Variants in SIL1 observed in about 807,000 individuals in gnomAD.
SIL1 encodes the protein nucleotide exchange factor SIL1.
In SIL1, 40 loss-of-function variants were observed where a neutral mutation model predicts 49.1. The ratio of observed to expected loss-of-function variants is 0.81; its 90% confidence interval spans 0.63 to 1.06. SIL1 has a LOEUF of 1.06. Ranked by LOEUF, SIL1 falls within the 50% of genes least tolerant of loss-of-function variation. The pLI, the probability that SIL1 is intolerant of heterozygous loss-of-function variation, is 0.00. For synonymous variants in SIL1, 253 were observed against 250.8 expected, an observed-to-expected ratio of 1.01 and a Z score of -0.08; for missense variants, 500 against 572.6, an observed-to-expected ratio of 0.87 and a Z score of 1.29.
intron 1 of SIL1, chr5:139,131,604 CCT>C (rs906188382): frequency 1.3e-5 from 2 of 152,232 alleles, no homozygotes; most frequent in African/African-American, 4.8e-5. Context: ...CAGCTCCCCC[CCT>C]CTTTTTTTGC....
chr5:139,047,062 G>A (rs1287664193), intron 4 of SIL1, among the ~76,000 whole-genome samples: 2 of 152,188 alleles, frequency 1.3e-5, no homozygotes, highest in African/African-American at 4.8e-5. Context: ...GGAAGTAAAT[G>A]GCCCTGTCCT....
intron 3 of SIL1, among the ~76,000 whole-genome samples, chr5:139,075,892 C>G (rs1769938273): frequency 6.6e-6 from 1 of 152,162 alleles, no homozygotes; most frequent in Non-Finnish European, 1.5e-5. Flanking sequence ...GTTCCATTTT[C>G]CCAGGAAAGA....
chr5:139,112,335 C>A (rs1770871487), intron 3 of SIL1, among the ~76,000 whole-genome samples: 1 of 151,966 alleles, frequency 6.6e-6, no homozygotes, highest in African/African-American at 2.4e-5. Context: ...GCCCCTCTGC[C>A]CGGCTGCCCA....
chr5:139,197,376 A>AC (rs1752297867), intron 1 of SIL1, among the ~76,000 whole-genome samples: 3 of 151,858 alleles, frequency 2.0e-5, no homozygotes, highest in Admixed American at 1.3e-4. Flanking sequence ...GGTTAACTTA[A>AC]CCCCCGCCCC....
chr5:139,126,204 T>G (rs1750750032), intron 2 of SIL1, among the ~76,000 whole-genome samples: 2 of 152,174 alleles, frequency 1.3e-5, no homozygotes, highest in African/African-American at 4.8e-5. Context: ...TTATGACAAA[T>G]GGATACAGCT....
chr5:139,029,102 T>A (rs1275738722), intron 5 of SIL1, among the ~76,000 whole-genome samples: 2 of 152,212 alleles, frequency 1.3e-5, no homozygotes. Context: ...ATAGTGAGAC[T>A]CTCTGTATTT....
At chr5:139,048,369 GTTTTTTT>G (rs35482601) in intron 4 of SIL1, among the ~76,000 whole-genome samples, 3 of 87,760 alleles carry the variant, frequency 3.4e-5, no homozygotes, top group African/African-American at 1.4e-4. Flanking sequence ...TTTGTTGTTG[GTTTTTTT>G]TTTTTTTTTT....
At chr5:139,031,121 T>C (rs1227647160) in intron 5 of SIL1, among the ~76,000 whole-genome samples, 3 of 152,224 alleles carry the variant, frequency 2.0e-5, no homozygotes. Context: ...TTTTTAATTT[T>C]GGTGAAGTCC....
rs1186459423 is a variant in SIL1 at position 139,073,225 on chromosome 5, A to G, written c.245-22179T>C. On this transcript the variant is annotated intron_variant, in intron 3 of 9. Coordinates refer to ENST00000394817, the MANE Select transcript of SIL1 (RefSeq NM_022464.5). ...TGGGTAAATAACCATAGGAAATAAA[A>G]TCAGCATGTCATAGAGACGTCTGCA... is the stretch of plus-strand genomic sequence containing the variant. 2.0e-5 allele frequency among the ~76,000 whole-genome samples: 3 copies of G among 152,198 alleles called. No individual in the cohort carries two copies. The East Asian group carries it at 5.8e-4, about 29-fold the overall frequency.
intron 7 of SIL1, among the ~76,000 whole-genome samples, chr5:138,960,605 GTTTTGTTTTTGT>G (rs747745379): frequency 6.6e-6 from 1 of 151,816 alleles, no homozygotes; most frequent in African/African-American, 2.4e-5. Flanking sequence ...GCCCAGTTTT[GTTTTGTTTTTGT>G]TTTTGTTTTT....
In SIL1 at chr5:138,947,527, A is replaced by C; in HGVS notation, c.1030-54T>G. 6.6e-7 allele frequency: 1 copy of C among 1,520,844 alleles called. No homozygotes were observed. Among genetic ancestry groups the C allele is most frequent in the South Asian group, 1.1e-5 (1 of 89,264 alleles). The allele number at this position is 1,520,844 out of a possible 1,614,324, so 94.2% of individuals were successfully genotyped here. On this transcript the variant is annotated intron_variant, in intron 9 of 9. Coordinates refer to ENST00000394817, the MANE Select transcript of SIL1 (RefSeq NM_022464.5). This position sits in a 1 kb window ranked among gnomAD's most constrained non-coding sequence, Gnocchi z 4.1. ...TAGGGTGGGGGTGGGGAGAGAACAC[A>C]CAGGGAGCAGTTAGCTCACACCTGG...
At chr5:139,097,569 C>T (rs1770496924) in intron 3 of SIL1, among the ~76,000 whole-genome samples, 1 of 151,760 alleles carries the variant, frequency 6.6e-6, no homozygotes, top group African/African-American at 2.4e-5. Flanking sequence ...CCTCCACCTC[C>T]CCAGTTCAAG....
At chr5:139,183,025 T>C (rs1448205768) in intron 1 of SIL1, among the ~76,000 whole-genome samples, 1 of 152,228 alleles carries the variant, frequency 6.6e-6, no homozygotes, top group Non-Finnish European at 1.5e-5. Context: ...TGTGACTTGA[T>C]GGTCTCTTAT....
chr5:138,984,353 T>TG, intron 7 of SIL1, among the ~76,000 whole-genome samples: 2 of 149,692 alleles, frequency 1.3e-5, no homozygotes, highest in Admixed American at 6.6e-5. Context: ...TGTTTGCTTT[T>TG]GTTTTTTTTT....
At chr5:139,029,430 T>A (rs755388699) in intron 5 of SIL1, among the ~76,000 whole-genome samples, 9 of 151,934 alleles carry the variant, frequency 5.9e-5, no homozygotes, top group Non-Finnish European at 8.8e-5. Flanking sequence ...GTACGAAGGG[T>A]GAAATGTTGG....
Position 138,989,638 on chromosome 5 carries a change from T to C in SIL1, c.767+31533A>G, listed in dbSNP as rs1390964746. On this transcript the variant is annotated intron_variant, in intron 7 of 9. Coordinates refer to ENST00000394817, the MANE Select transcript of SIL1 (RefSeq NM_022464.5). The stretch of plus-strand genomic sequence containing the variant: ...GAAACAAGGGCCGCACTCCTTTATG[T>C]AGGACACCTTTTGCCCTCTAAGGCA... Among the ~76,000 whole-genome samples the C allele has an allele frequency of 2.0e-5, 3 of 152,130 alleles. No homozygotes were observed. The East Asian group carries it at 5.8e-4, about 29-fold the overall frequency.
intron 2 of SIL1, among the ~76,000 whole-genome samples, chr5:139,121,493 A>G (rs1005307354): frequency 9.9e-5 from 15 of 152,256 alleles, no homozygotes; most frequent in African/African-American, 3.6e-4. Context: ...AAACGAAACA[A>G]TAAGAGCCTT....
intron 1 of SIL1, among the ~76,000 whole-genome samples, chr5:139,158,930 T>C (rs956459616): frequency 6.6e-6 from 1 of 152,164 alleles, no homozygotes; most frequent in Non-Finnish European, 1.5e-5. Flanking sequence ...ACTGGTTCCA[T>C]GGGAACTGCA....
chr5:139,191,038 C>T (rs1371935310), intron 1 of SIL1, among the ~76,000 whole-genome samples: 1 of 151,928 alleles, frequency 6.6e-6, no homozygotes, highest in Admixed American at 6.6e-5. Flanking sequence ...TCAAGACCAG[C>T]CTGGCCAACA....
Sources: allele counts gnomAD v4.1 joint callset (sites outside exome capture counted in the v4.1 genomes callset), GRCh38; gene constraint gnomAD v4.1.1; non-coding constraint Gnocchi (gnomAD v3.1); transcripts MANE v1.5; gene names NCBI Gene and HGNC (gene_info 2026-07-23, HGNC 2026-07-21).